The following EXT1 variants were observed in gnomAD, a reference collection of about 807,000 sequenced individuals.
The protein encoded by EXT1 is exostosin glycosyltransferase 1.
EXT1 carries 20 observed loss-of-function variants against 82.5 expected under a neutral mutation model. The observed-to-expected ratio is 0.24, with a 90% CI of 0.17 to 0.35. The LOEUF (loss-of-function observed/expected upper bound fraction) is 0.35, where lower values mean the gene tolerates loss of function less well. EXT1 is among the 10% of genes least tolerant of loss of function. EXT1 has a pLI of 1.00. For synonymous variants in EXT1, 348 were observed against 350.8 expected, an observed-to-expected ratio of 0.99 and a Z score of 0.09; for missense variants, 757 against 936.5, an observed-to-expected ratio of 0.81 and a Z score of 2.50.
chr8:117,919,824 A>G (rs1433764654), intron 1 of EXT1, among the ~76,000 whole-genome samples: 1 of 152,192 alleles, frequency 6.6e-6, no homozygotes, highest in Non-Finnish European at 1.5e-5. Flanking sequence ...CATTAAATAA[A>G]TATTCCTGGT....
intron 1 of EXT1, among the ~76,000 whole-genome samples, chr8:118,016,118 G>A (rs1258315473): frequency 1.3e-5 from 2 of 152,204 alleles, no homozygotes; most frequent in Non-Finnish European, 2.9e-5. Flanking sequence ...CAGGCGGGGC[G>A]TGGTGGCTCA....
chr8:118,110,012 CA>C, intron 1 of EXT1, 72 bp downstream of exon 1: 1 of 1,610,854 alleles, frequency 6.2e-7, no homozygotes, highest in Non-Finnish European at 8.5e-7. Flanking sequence ...CCCCATCCCC[CA>C]ACTTCACACC....
rs17474616 is a variant in EXT1 at position 117,833,514 on chromosome 8, C to G, written c.1164+1930G>C. On this transcript the variant is annotated intron_variant, in intron 3 of 10. Transcript: ENST00000378204. ...CTTGTAATCCCAGCTACTCGGGAGG[C>G]TGAGGCAGAAGAATCGCTTAAACCC... 5.6e-3 allele frequency among the ~76,000 whole-genome samples: 846 copies of G among 151,966 alleles called. 14 individuals carry two copies. The highest frequency in any genetic ancestry group is 0.019 in the African/African-American group (796 of 41,438).
chr8:117,840,400 G>A (rs1270781884), intron 1 of EXT1, among the ~76,000 whole-genome samples: 1 of 152,144 alleles, frequency 6.6e-6, no homozygotes, highest in Non-Finnish European at 1.5e-5. Context: ...ATCACCTGAT[G>A]TCAGGAGATT....
intron 1 of EXT1, among the ~76,000 whole-genome samples, chr8:118,072,906 G>T (rs1185571095): frequency 1.3e-5 from 2 of 152,200 alleles, no homozygotes; most frequent in African/African-American, 2.4e-5. Context: ...AAGGCAGGTA[G>T]GTCTACAGAG....
chr8:117,972,622 G>T (rs1397587765), intron 1 of EXT1, among the ~76,000 whole-genome samples: 1 of 152,158 alleles, frequency 6.6e-6, no homozygotes, highest in Non-Finnish European at 1.5e-5. Context: ...GTTTTGATAC[G>T]TGTATTAGTC....
At chr8:117,989,061 CAAA>C (rs10649300) in intron 1 of EXT1, among the ~76,000 whole-genome samples, 9 of 105,328 alleles carry the variant, frequency 8.5e-5, no homozygotes, top group Non-Finnish European at 5.9e-5. Flanking sequence ...CCCCTCCTCT[CAAA>C]AAAAAAAAAA....
At chr8:117,816,298 T>C (rs796246780) in intron 7 of EXT1, among the ~76,000 whole-genome samples, 5 of 152,304 alleles carry the variant, frequency 3.3e-5, no homozygotes, top group African/African-American at 9.6e-5. Flanking sequence ...AAGATTATGA[T>C]GCCTCCCAGA....
chr8:117,985,074 T>C (rs2129775450), intron 1 of EXT1, among the ~76,000 whole-genome samples: 1 of 152,266 alleles, frequency 6.6e-6, no homozygotes, highest in South Asian at 2.1e-4. Context: ...CCCACCTGCC[T>C]GGCTCCCCAA....
intron 1 of EXT1, among the ~76,000 whole-genome samples, chr8:118,050,535 T>C (rs1453122472): frequency 6.6e-6 from 1 of 152,128 alleles, no homozygotes; most frequent in Non-Finnish European, 1.5e-5. Flanking sequence ...AGTCAGAGAG[T>C]AAACGTTTTG....
intron 1 of EXT1, among the ~76,000 whole-genome samples, chr8:118,008,758 A>G (rs761898398): frequency 6.6e-6 from 1 of 152,220 alleles, no homozygotes; most frequent in Non-Finnish European, 1.5e-5. Context: ...GCAATTAAAA[A>G]AAAATACACC....
At chr8:118,044,123 G>A (rs1816581471) in intron 1 of EXT1, among the ~76,000 whole-genome samples, 1 of 152,118 alleles carries the variant, frequency 6.6e-6, no homozygotes, top group Non-Finnish European at 1.5e-5. Flanking sequence ...GACTGAAATG[G>A]ATTTTTTGTT....
chr8:117,848,059 C>G (rs1812391803), intron 1 of EXT1, among the ~76,000 whole-genome samples: 1 of 152,180 alleles, frequency 6.6e-6, no homozygotes, highest in Non-Finnish European at 1.5e-5. Flanking sequence ...GACCTCAGAA[C>G]TCTGTGTAGG....
intron 1 of EXT1, among the ~76,000 whole-genome samples, chr8:118,040,894 C>G (rs906238175): frequency 1.3e-5 from 2 of 152,182 alleles, no homozygotes; most frequent in Non-Finnish European, 2.9e-5. Flanking sequence ...AGACTCAGGT[C>G]CAACCCAAGA....
intron 1 of EXT1, among the ~76,000 whole-genome samples, chr8:118,009,853 C>G (rs746598717): frequency 2.0e-5 from 3 of 152,160 alleles, no homozygotes; most frequent in Non-Finnish European, 4.4e-5. Context: ...TCCACGAAAC[C>G]GGTTCCTGGT....
chr8:118,086,215 A>G (rs1395285597), intron 1 of EXT1, among the ~76,000 whole-genome samples: 1 of 152,250 alleles, frequency 6.6e-6, no homozygotes, highest in African/African-American at 2.4e-5. Context: ...GGCTAGTTAT[A>G]TTTATTGACT....
chr8:117,843,298 T>C (rs1812301269), intron 1 of EXT1, among the ~76,000 whole-genome samples: 1 of 152,108 alleles, frequency 6.6e-6, no homozygotes, highest in Non-Finnish European at 1.5e-5. Flanking sequence ...ATAAACAACA[T>C]GTGTTATCAA....
At chr8:118,099,944 T>C (rs1042884913) in intron 1 of EXT1, among the ~76,000 whole-genome samples, 14 of 152,156 alleles carry the variant, frequency 9.2e-5, no homozygotes, top group Admixed American at 7.8e-4. Context: ...AGGAAGCAAC[T>C]TTGGGCTGTT....
In EXT1 at chr8:117,959,229, G is replaced by A. The variant is rs561422932; in HGVS notation, c.963-122028C>T. ...GGCCAAGGGACAGGCAGCTTTTCCC[G>A]CAGGAGACAGAACTCTCCTGCCTAG... is the stretch of plus-strand genomic sequence containing the variant. On this transcript the variant is annotated intron_variant, in intron 1 of 10. Transcript: ENST00000378204. 1.2e-4 allele frequency among the ~76,000 whole-genome samples: 18 copies of A among 152,126 alleles called. 1 individual carries two copies. Among genetic ancestry groups the A allele is most frequent in the African/African-American group, 3.1e-4 (13 of 41,426 alleles).
Sources: gnomAD v4.1 joint callset for allele counts (sites outside exome capture counted in the v4.1 genomes callset) on GRCh38, gnomAD v4.1.1 for gene constraint, MANE v1.5 for transcripts, NCBI Gene and HGNC (gene_info 2026-07-23, HGNC 2026-07-21) for gene names.